The following RBFOX1 variants were observed in gnomAD, a reference collection of about 807,000 sequenced individuals.
RBFOX1 encodes the protein RNA binding protein fox-1 homolog 1.
In RBFOX1, 8 loss-of-function variants were observed where a neutral mutation model predicts 57.7. The observed-to-expected ratio is 0.14, with a 90% CI of 0.08 to 0.25. The LOEUF (loss-of-function observed/expected upper bound fraction) is 0.25, where lower values mean the gene tolerates loss of function less well. Among genes scored for constraint, RBFOX1 ranks in the 10% least tolerant of loss-of-function variants. The probability of loss-of-function intolerance (pLI) is 1.00; values close to 1 mark genes in which losing one functional copy is unlikely to be tolerated. For missense variants in RBFOX1, 611 were observed against 548.5 expected (o/e 1.11, Z -1.14); for synonymous variants, 326 against 222.4 (o/e 1.47, Z -4.15).
chr16:7,349,020 G>C (rs766212447), intron 4 of RBFOX1, among the ~76,000 whole-genome samples: 1 of 152,174 alleles, frequency 6.6e-6, no homozygotes, highest in Non-Finnish European at 1.5e-5. Flanking sequence ...TCTGCTTTCA[G>C]ATTTTCTTGT....
chr16:7,436,491 C>A (rs2098722354), intron 4 of RBFOX1, among the ~76,000 whole-genome samples: 1 of 152,204 alleles, frequency 6.6e-6, no homozygotes, highest in Non-Finnish European at 1.5e-5. Flanking sequence ...GTCTTCACAA[C>A]CCAGTGCAAC....
intron 2 of RBFOX1, among the ~76,000 whole-genome samples, chr16:5,583,104 A>T (rs2046726718): frequency 6.6e-6 from 1 of 152,216 alleles, no homozygotes; most frequent in South Asian, 2.1e-4. Context: ...GAACCCTGGC[A>T]GTTTGGCTTG....
intron 1 of RBFOX1, among the ~76,000 whole-genome samples, chr16:5,436,923 C>G (rs1216515782): frequency 6.6e-6 from 1 of 152,146 alleles, no homozygotes. Flanking sequence ...ATGTCAGTCT[C>G]AAGAGTCTTT....
rs183950459 is a variant in RBFOX1 at position 7,080,975 on chromosome 16, T to C, written c.27+28877T>C. 2.4e-3 allele frequency among the ~76,000 whole-genome samples: 363 copies of C among 152,344 alleles called. 1 individual carries two copies. The highest frequency in any genetic ancestry group is 6.5e-3 in the Admixed American group (99 of 15,304). ...TTAGTAACTAAAGCTCTGCATGAAC[T>C]GGTCTTTACCTCACTTCCCCTCCTC... is the stretch of plus-strand genomic sequence containing the variant. On this transcript the variant is annotated intron_variant, in intron 4 of 15. Transcript: ENST00000550418.
At chr16:6,168,018 G>A (rs1052205012) in intron 1 of RBFOX1, among the ~76,000 whole-genome samples, 2 of 152,158 alleles carry the variant, frequency 1.3e-5, no homozygotes, top group Admixed American at 1.3e-4. Flanking sequence ...AGCTTGGCTT[G>A]GCTTTATTTG....
At chr16:7,643,595 C>T (rs969066103) in intron 11 of RBFOX1, among the ~76,000 whole-genome samples, 2 of 152,196 alleles carry the variant, frequency 1.3e-5, no homozygotes, top group South Asian at 4.1e-4. Flanking sequence ...GCAGCCTTTA[C>T]TCACACTGTA....
At chr16:6,862,251 C>T (rs915488698) in intron 3 of RBFOX1, among the ~76,000 whole-genome samples, 5 of 152,108 alleles carry the variant, frequency 3.3e-5, no homozygotes. Context: ...AACCCAGAGT[C>T]CTAGGCCACC....
At chr16:5,850,213 G>C (rs935033917) in intron 3 of RBFOX1, among the ~76,000 whole-genome samples, 18 of 152,300 alleles carry the variant, frequency 1.2e-4, no homozygotes, top group Middle Eastern at 3.4e-3. Context: ...AGGGGATGCT[G>C]CTTGGCCGAA....
chr16:6,895,648 C>T (rs888805792), intron 3 of RBFOX1, among the ~76,000 whole-genome samples: 1 of 150,870 alleles, frequency 6.6e-6, no homozygotes, highest in South Asian at 2.1e-4. Context: ...TTGACAATGC[C>T]AATGTTTTGT....
intron 3 of RBFOX1, among the ~76,000 whole-genome samples, chr16:6,992,698 C>G (rs55728500): frequency 0.023 from 3,481 of 152,124 alleles, 134 homozygotes; most frequent in African/African-American, 0.079. Flanking sequence ...GCTTCAGAAA[C>G]CAGCTAATGA....
At chr16:5,703,211 A>T (rs977827064) in intron 3 of RBFOX1, among the ~76,000 whole-genome samples, 7 of 152,258 alleles carry the variant, frequency 4.6e-5, no homozygotes, top group Admixed American at 3.3e-4. Flanking sequence ...ACTTTGAGGT[A>T]TTACAGGACA....
chr16:5,570,018 G>T (rs373937436), intron 2 of RBFOX1, among the ~76,000 whole-genome samples: 30 of 152,238 alleles, frequency 2.0e-4, no homozygotes, highest in African/African-American at 6.7e-4. Flanking sequence ...GACTTTATCA[G>T]CCCTTTCGTG....
chr16:7,618,449 G>C (rs2058806683), intron 10 of RBFOX1, among the ~76,000 whole-genome samples: 2 of 152,048 alleles, frequency 1.3e-5, no homozygotes, highest in African/African-American at 4.8e-5. Context: ...CTAGGACAAA[G>C]GCTATTGTGA....
chr16:7,562,804 G>A (rs970915808), intron 5 of RBFOX1, among the ~76,000 whole-genome samples: 1 of 152,182 alleles, frequency 6.6e-6, no homozygotes, highest in Non-Finnish European at 1.5e-5. Context: ...GGAGAGTTTG[G>A]AGCCAACAGG....
chr16:6,266,601 C>A (rs2074527637), intron 1 of RBFOX1, among the ~76,000 whole-genome samples: 1 of 151,986 alleles, frequency 6.6e-6, no homozygotes, highest in Non-Finnish European at 1.5e-5. Context: ...GTAATCCCAG[C>A]TACTCAGGGG....
At chr16:5,311,281 A>G (rs947411305) in intron 1 of RBFOX1, among the ~76,000 whole-genome samples, 1 of 151,830 alleles carries the variant, frequency 6.6e-6, no homozygotes, top group Non-Finnish European at 1.5e-5. Flanking sequence ...TTAATATCAC[A>G]TTTTCTTTTT....
chr16:5,367,480 T>C (rs2065749254), intron 1 of RBFOX1, among the ~76,000 whole-genome samples: 1 of 152,166 alleles, frequency 6.6e-6, no homozygotes, highest in Non-Finnish European at 1.5e-5. Context: ...GGGTTCTCAC[T>C]GCATGTGCCA....
At chr16:6,264,783 C>T (rs753117395) in intron 1 of RBFOX1, among the ~76,000 whole-genome samples, 1 of 152,216 alleles carries the variant, frequency 6.6e-6, no homozygotes, top group Non-Finnish European at 1.5e-5. Context: ...TAGCATGCCA[C>T]TGAAACTTCT....
At chr16:6,399,685 A>G (rs2092990378) in intron 2 of RBFOX1, among the ~76,000 whole-genome samples, 1 of 152,214 alleles carries the variant, frequency 6.6e-6, no homozygotes, top group African/African-American at 2.4e-5. Flanking sequence ...TCTTTACAGC[A>G]GTGCACTCCA....
Sources: allele counts gnomAD v4.1 joint callset (sites outside exome capture counted in the v4.1 genomes callset), GRCh38; gene constraint gnomAD v4.1.1; transcripts MANE v1.5; gene names NCBI Gene and HGNC (gene_info 2026-07-23, HGNC 2026-07-21).